Variants in PRPF38A observed in about 807,000 individuals in gnomAD.
PRPF38A encodes the protein pre-mRNA-splicing factor 38A.
Under a neutral mutation model 46.8 loss-of-function variants are expected in PRPF38A, and 11 were observed. That is an observed-to-expected ratio of 0.24 (90% CI 0.15 to 0.39). PRPF38A has a LOEUF of 0.39. Ranked by LOEUF, PRPF38A falls within the 10% of genes least tolerant of loss-of-function variation. The pLI is 1.00. For synonymous variants in PRPF38A, 124 were observed against 136.2 expected (o/e 0.91, Z 0.62); for missense variants, 261 against 407.5 (o/e 0.64, Z 3.10).
chr1:52,412,133 T>C (rs1648164365), intron 4 of PRPF38A, among the ~76,000 whole-genome samples: 1 of 152,186 alleles, frequency 6.6e-6, no homozygotes, highest in South Asian at 2.1e-4. Flanking sequence ...ACTGGAGATT[T>C]GGTACTACTC....
At chr1:52,415,803 C>T (rs1334175184) in intron 9 of PRPF38A, among the ~76,000 whole-genome samples, 1 of 150,780 alleles carries the variant, frequency 6.6e-6, no homozygotes, top group South Asian at 2.1e-4. Context: ...ATTAGAAACC[C>T]CCATGTGCCA....
intron 9 of PRPF38A, among the ~76,000 whole-genome samples, chr1:52,415,911 C>T (rs1569983539): frequency 7.3e-6 from 1 of 136,228 alleles, no homozygotes; most frequent in South Asian, 2.4e-4. Flanking sequence ...GGCGCAATCT[C>T]GGCTCACTGC....
rs139026548 is a variant in PRPF38A, at chr1:52,404,729, T to C, written c.-21T>C. On this transcript the variant is annotated 5_prime_UTR_variant, in exon 1 of 10. Coordinates refer to ENST00000257181, the MANE Select transcript of PRPF38A (RefSeq NM_032864.4). ...GAGGCATTAAAGGATCCGACGGAAATAGAATTGAAGGCATTCTAAAATGGC... is the reference window on the plus strand; with the variant it reads ...GAGGCATTAAAGGATCCGACGGAAACAGAATTGAAGGCATTCTAAAATGGC... 5.0e-3 allele frequency: 7,991 copies of C among 1,610,278 alleles called. 30 individuals carry two copies. Among genetic ancestry groups the C allele is most frequent in the South Asian group, 5.6e-3 (507 of 90,672 alleles).
In PRPF38A at chr1:52,417,222, C is replaced by T. The variant is rs1361889085; in HGVS notation, c.*532C>T. 1 of 156,870 alleles carries T rather than the reference C, an allele frequency of 6.4e-6. No individual in the cohort carries two copies. The highest frequency in any genetic ancestry group is 1.4e-5 in the Non-Finnish European group (1 of 70,500). 9.7% of individuals were successfully genotyped at this position (156,870 alleles called of 1,614,324 possible). ...GAATAGAATGCATTCAAATGTAAGGCTGCTTCTGGATCATTAAAGCCAGTT... is the reference window on the plus strand; with the variant it reads ...GAATAGAATGCATTCAAATGTAAGGTTGCTTCTGGATCATTAAAGCCAGTT... On this transcript the variant is annotated 3_prime_UTR_variant, in exon 10 of 10. Transcript: ENST00000257181.
In PRPF38A at chr1:52,420,718, T is replaced by C. The variant is rs887639355; in HGVS notation, c.*4028T>C. On this transcript the variant is annotated 3_prime_UTR_variant, in exon 10 of 10. Transcript: ENST00000257181. ...AGAGAGATGGTTGGAATGAATGAAG[T>C]TCACCAGATAGTACTTCTTTCTGGC... is the stretch of plus-strand genomic sequence containing the variant. The C allele has an allele frequency of 9.9e-5, 15 of 152,216 alleles. No individual in the cohort carries two copies. Among genetic ancestry groups the C allele is most frequent in the African/African-American group, 3.4e-4 (14 of 41,468 alleles). 9.4% of individuals were successfully genotyped at this position (152,216 alleles called of 1,614,324 possible).
chr1:52,406,604 C>T (rs757802152), intron 2 of PRPF38A, among the ~76,000 whole-genome samples: 7 of 152,144 alleles, frequency 4.6e-5, no homozygotes, highest in African/African-American at 9.7e-5. Context: ...AGTGAAAGAA[C>T]GTAATGCATG....
intron 2 of PRPF38A, 148 bp from the exon 3 acceptor site, chr1:52,408,421 C>A: frequency 9.6e-7 from 1 of 1,046,100 alleles, no homozygotes; most frequent in Non-Finnish European, 1.5e-6. Context: ...AGCTGTCTTT[C>A]TTCTGCTGCA....
chr1:52,411,259 C>T (rs996921352), intron 4 of PRPF38A, 59 bp downstream of exon 4: 8 of 1,162,432 alleles, frequency 6.9e-6, no homozygotes, highest in Non-Finnish European at 9.0e-6. Flanking sequence ...GGCAGACAGA[C>T]AAACACATAC....
In PRPF38A at chr1:52,420,700, T is replaced by G. The variant is rs1247644603; in HGVS notation, c.*4010T>G. On this transcript the variant is annotated 3_prime_UTR_variant, in exon 10 of 10. Coordinates refer to ENST00000257181, the MANE Select transcript of PRPF38A (RefSeq NM_032864.4). The stretch of plus-strand genomic sequence containing the variant: ...TATGTGCCTGTATGATTAAGAGAGA[T>G]GGTTGGAATGAATGAAGTTCACCAG... 3.3e-5 allele frequency: 5 copies of G among 152,164 alleles called. No individual in the cohort carries two copies. The highest frequency in any genetic ancestry group is 9.7e-5 in the African/African-American group (4 of 41,448). The allele number at this position is 152,164 out of a possible 1,614,324, so 9.4% of individuals were successfully genotyped here.
chr1:52,414,088 T>G, intron 6 of PRPF38A, 97 bp downstream of exon 6: 1 of 738,816 alleles, frequency 1.4e-6, no homozygotes, highest in Admixed American at 2.7e-5. Context: ...CTATGGAGAA[T>G]GTTTGCCCAA....
rs141295971 is a variant in PRPF38A at position 52,417,139 on chromosome 1, T to A, written c.*449T>A. On this transcript the variant is annotated 3_prime_UTR_variant, in exon 10 of 10. Transcript: ENST00000257181. ...AGTAAAACATAGTTGCTCCTAACTT[T>A]TTTCCAGCAGCAGCAAGTGGTAATA... 0.011 allele frequency: 1,799 copies of A among 157,744 alleles called. 48 individuals are homozygous for A. The highest frequency in any genetic ancestry group is 0.042 in the African/African-American group (1,743 of 41,628). The allele number at this position is 157,744 out of a possible 1,614,324, so 9.8% of individuals were successfully genotyped here. A position where few individuals can be genotyped will look rare whatever the true frequency, so the allele number is the denominator to read the frequency against.
rs535677065 is a variant in PRPF38A, at chr1:52,419,036, A to AGAT, written c.*2348_*2350dup. 3 of 152,232 alleles carry AGAT rather than the reference A, an allele frequency of 2.0e-5. No individual in the cohort carries two copies. The highest frequency in any genetic ancestry group is 2.9e-5 in the Non-Finnish European group (2 of 68,050). The allele number at this position is 152,232 out of a possible 1,614,324, so 9.4% of individuals were successfully genotyped here. The stretch of plus-strand genomic sequence containing the variant: ...CCTTTTAATACTAAGAAAGTAAGGG[A>AGAT]GATGTGTTCCAAGGGGCAAAAGAAA... On this transcript the variant is annotated 3_prime_UTR_variant, in exon 10 of 10. Transcript: ENST00000257181.
chr1:52,407,009 G>A (rs903405801), intron 2 of PRPF38A, among the ~76,000 whole-genome samples: 2 of 152,092 alleles, frequency 1.3e-5, no homozygotes, highest in Admixed American at 1.3e-4. Context: ...AGGAAAAAGG[G>A]AAGAGGAACA....
intron 3 of PRPF38A, among the ~76,000 whole-genome samples, chr1:52,410,656 C>T (rs189721154): frequency 6.6e-6 from 1 of 152,124 alleles, no homozygotes; most frequent in East Asian, 1.9e-4. Context: ...TGCCCACCAC[C>T]ATGCCCAGCT....
intron 6 of PRPF38A, among the ~76,000 whole-genome samples, chr1:52,414,383 A>G (rs966366945): frequency 2.0e-5 from 3 of 152,358 alleles, no homozygotes; most frequent in African/African-American, 7.2e-5. Flanking sequence ...AAACCCGGTC[A>G]TGCAAATGTT....
At chr1:52,413,831 C>A in intron 5 of PRPF38A, 48 bp from the exon 6 acceptor site, 1 of 1,236,536 alleles carries the variant, frequency 8.1e-7, no homozygotes, top group Non-Finnish European at 1.2e-6. Flanking sequence ...TCCTAGATGG[C>A]TCTTTATAAG....
At chr1:52,410,862 T>C (rs988638253) in intron 3 of PRPF38A, among the ~76,000 whole-genome samples, 1 of 152,208 alleles carries the variant, frequency 6.6e-6, no homozygotes, top group African/African-American at 2.4e-5. Flanking sequence ...TTCAGAAACA[T>C]TGAAGGTTCA....
Position 52,406,251 on chromosome 1 carries a change from C to T in PRPF38A, c.290+412C>T, listed in dbSNP as rs149326603. On this transcript the variant is annotated intron_variant, in intron 2 of 9. Coordinates refer to ENST00000257181, the MANE Select transcript of PRPF38A (RefSeq NM_032864.4). ...TAATCCCCTCCCCCCCCGGGCCTCCCAGAGTGCTGGGATTACAGGCATGAG... is the reference window on the plus strand; with the variant it reads ...TAATCCCCTCCCCCCCCGGGCCTCCTAGAGTGCTGGGATTACAGGCATGAG... Among the ~76,000 whole-genome samples the T allele has an allele frequency of 2.4e-3, 372 of 152,294 alleles. 3 individuals carry two copies. The highest frequency in any genetic ancestry group is 7.5e-3 in the Admixed American group (114 of 15,288).
At chr1:52,405,398 G>A (rs972747363) in intron 1 of PRPF38A, among the ~76,000 whole-genome samples, 3 of 152,120 alleles carry the variant, frequency 2.0e-5, no homozygotes, top group African/African-American at 2.4e-5. Context: ...ACCTTTCTTA[G>A]CCCTCATTTT....
Sources: allele counts gnomAD v4.1 joint callset (sites outside exome capture counted in the v4.1 genomes callset), GRCh38; gene constraint gnomAD v4.1.1; transcripts MANE v1.5; gene names NCBI Gene and HGNC (gene_info 2026-07-23, HGNC 2026-07-21).